The following HAND1 variants were observed in gnomAD, a reference collection of about 807,000 sequenced individuals.
The protein encoded by HAND1 is heart- and neural crest derivatives-expressed protein 1.
Under a neutral mutation model 14.5 loss-of-function variants are expected in HAND1, and 10 were observed. The observed-to-expected ratio is 0.69, with a 90% confidence interval of 0.42 to 1.17. HAND1 has a LOEUF of 1.17. Ranked by LOEUF, HAND1 falls within the 50% of genes most tolerant of loss-of-function variation. The probability of loss-of-function intolerance (pLI) is 0.00; values close to 1 mark genes in which losing one functional copy is unlikely to be tolerated. For missense variants in HAND1, 299 were observed against 298.4 expected (o/e 1.00, Z -0.01); for synonymous variants, 128 against 127.1 (o/e 1.01, Z -0.05).
Position 154,475,534 on chromosome 5 carries a change from A to C in HAND1, c.*272T>G, listed in dbSNP as rs1757526904. On this transcript the variant is annotated 3_prime_UTR_variant, in exon 2 of 2. Transcript: ENST00000231121. ...GGGTTCGACAGTCCCTCCTTCTTGCATGTTGCCGCCAAGGGCCGCCCTCGG... is the reference window on the plus strand; with the variant it reads ...GGGTTCGACAGTCCCTCCTTCTTGCCTGTTGCCGCCAAGGGCCGCCCTCGG... The C allele has an allele frequency of 1.2e-5, 6 of 488,994 alleles. No homozygotes were observed. Among genetic ancestry groups the C allele is most frequent in the Non-Finnish European group, 2.2e-5 (6 of 268,164 alleles). 30.3% of individuals were successfully genotyped at this position (488,994 alleles called of 1,614,324 possible). A position where few individuals can be genotyped will look rare whatever the true frequency, so the allele number is the denominator to read the frequency against.
At chr5:154,477,436 TG>T (rs1757560020) in intron 1 of HAND1, 29 bp downstream of exon 1, 12 of 1,565,132 alleles carry the variant, frequency 7.7e-6, no homozygotes, top group Non-Finnish European at 9.7e-6. Context: ...CCTGCACCCT[TG>T]GCTGGAGCAT....
chr5:154,476,373 G>T (rs1004106132), intron 1 of HAND1, among the ~76,000 whole-genome samples: 3 of 152,168 alleles, frequency 2.0e-5, no homozygotes, highest in African/African-American at 7.2e-5. Context: ...AGATACGGAG[G>T]TAAAAGAGCG....
chr5:154,476,227 T>C (rs910220578), intron 1 of HAND1, among the ~76,000 whole-genome samples: 9 of 152,172 alleles, frequency 5.9e-5, no homozygotes, highest in Non-Finnish European at 2.9e-5. Context: ...CCCAGGATAT[T>C]GGAAGGGAGG....
In HAND1 at chr5:154,477,871, C is replaced by T. The variant is rs1294461632; in HGVS notation, c.138G>A (p.Leu46=). ...HQERPYFQSW[L]LSPADAAPDF... ...CCGGGGCAGCGTCAGCCGGGCTCAG[C>T]AGCCAGCTCTGGAAGTAGGGCCTTT... Residue 46 remains leucine (L), a synonymous_variant, in exon 1 of 2, where the codon CTG becomes CTA. Coordinates refer to ENST00000231121, the MANE Select transcript of HAND1 (RefSeq NM_004821.3). 36 of 1,601,474 alleles carry T rather than the reference C, an allele frequency of 2.2e-5. No individual in the cohort carries two copies. The highest frequency in any genetic ancestry group is 3.1e-5 in the Non-Finnish European group (36 of 1,179,798).
In HAND1 at chr5:154,477,502, C is replaced by A; in HGVS notation, c.507G>T (p.Ala169=). 1 of 1,614,164 alleles carries A rather than the reference C, an allele frequency of 6.2e-7. No homozygotes were observed. The change falls in exon 1 of 2, where the codon GCG becomes GCT. Residue 169 remains alanine (A), a synonymous_variant. Coordinates refer to ENST00000231121, the MANE Select transcript of HAND1 (RefSeq NM_004821.3). Reference sequence around the variant, plus strand: ...TCCGCTTGCTCTCACGGCCGCCATCCGCCTTCTTGAGTTCAGCCTTGAAGG... The same window carrying A: ...TCCGCTTGCTCTCACGGCCGCCATCAGCCTTCTTGAGTTCAGCCTTGAAGG... The part of the protein sequence containing the change: ...PEAFKAELKK[A]DGGRESKRKR...
chr5:154,477,667 G>A lies in HAND1; in HGVS notation c.342C>T (p.Phe114=). 3 of 1,614,228 alleles carry A rather than the reference G, an allele frequency of 1.9e-6. No homozygotes were observed. The highest frequency in any genetic ancestry group is 2.5e-6 in the Non-Finnish European group (3 of 1,180,034). ...RRRTESINSA[F]AELRECIPNV... The stretch of plus-strand genomic sequence containing the variant: ...TGGGGATGCACTCGCGCAACTCCGC[G>A]AATGCGCTGTTAATGCTCTCAGTGC... The change falls in exon 1 of 2, where the codon TTC becomes TTT. Residue 114 remains phenylalanine, a synonymous_variant. Transcript: ENST00000231121.
chr5:154,476,714 C>T (rs1386835991), intron 1 of HAND1, among the ~76,000 whole-genome samples: 1 of 152,198 alleles, frequency 6.6e-6, no homozygotes, highest in Non-Finnish European at 1.5e-5. Flanking sequence ...AACTGATTGG[C>T]CAGCCTGAAA....
intron 1 of HAND1, among the ~76,000 whole-genome samples, chr5:154,476,860 G>A (rs577771765): frequency 1.3e-5 from 2 of 152,204 alleles, no homozygotes; most frequent in South Asian, 4.1e-4. Flanking sequence ...TTATTTACAT[G>A]CAAAGCCACT....
At chr5:154,476,470 G>A (rs1677110954) in intron 1 of HAND1, among the ~76,000 whole-genome samples, 1 of 152,158 alleles carries the variant, frequency 6.6e-6, no homozygotes, top group Admixed American at 6.5e-5. Context: ...GACGCGTGGG[G>A]GCCGGGATCC....
chr5:154,477,447 T>A lies in HAND1; in HGVS notation c.543+19A>T, dbSNP rs1398783316. On this transcript the variant is annotated intron_variant, in intron 1 of 1. Coordinates refer to ENST00000231121, the MANE Select transcript of HAND1 (RefSeq NM_004821.3). ...CGCTCCTGCACCCTTGGCTGGAGCATGCAAGCCCCAGGACTCACCAGCTCC... is the reference window on the plus strand; with the variant it reads ...CGCTCCTGCACCCTTGGCTGGAGCAAGCAAGCCCCAGGACTCACCAGCTCC... 5 of 1,600,712 alleles carry A rather than the reference T, an allele frequency of 3.1e-6. No homozygotes were observed. The highest frequency in any genetic ancestry group is 4.3e-6 in the Non-Finnish European group (5 of 1,168,158).
rs1214248741 is a variant in HAND1 at position 154,475,768 on chromosome 5, G to C, written c.*38C>G. 1 of 1,433,412 alleles carries C rather than the reference G, an allele frequency of 7.0e-7. No homozygotes were observed. Among genetic ancestry groups the C allele is most frequent in the South Asian group, 1.1e-5 (1 of 87,430 alleles). 88.8% of individuals were successfully genotyped at this position (1,433,412 alleles called of 1,614,324 possible). On this transcript the variant is annotated 3_prime_UTR_variant, in exon 2 of 2. Coordinates refer to ENST00000231121, the MANE Select transcript of HAND1 (RefSeq NM_004821.3). ...TTCCTCTCCTCCCGGGGCTTCAGGAGTGGCTGGCCTGGCCAGGTCCTCGGC... is the reference window on the plus strand; with the variant it reads ...TTCCTCTCCTCCCGGGGCTTCAGGACTGGCTGGCCTGGCCAGGTCCTCGGC...
At chr5:154,477,432 C>CT (rs2113302845) in intron 1 of HAND1, 34 bp downstream of exon 1, 1 of 1,549,262 alleles carries the variant, frequency 6.5e-7, no homozygotes, top group East Asian at 2.2e-5. Flanking sequence ...CGCTCCTGCA[C>CT]CCTTGGCTGG....
chr5:154,475,519 G>A lies in HAND1; in HGVS notation c.*287C>T. On this transcript the variant is annotated 3_prime_UTR_variant, in exon 2 of 2. Coordinates refer to ENST00000231121, the MANE Select transcript of HAND1 (RefSeq NM_004821.3). Reference sequence around the variant, plus strand: ...CGTCTTTGAGCCCTTGGGTTCGACAGTCCCTCCTTCTTGCATGTTGCCGCC... The same window carrying A: ...CGTCTTTGAGCCCTTGGGTTCGACAATCCCTCCTTCTTGCATGTTGCCGCC... 2.1e-6 allele frequency: 1 copy of A among 471,360 alleles called. No homozygotes were observed. The highest frequency in any genetic ancestry group is 4.2e-5 in the East Asian group (1 of 23,774). The allele number at this position is 471,360 out of a possible 1,614,324, so 29.2% of individuals were successfully genotyped here.
Position 154,477,492 on chromosome 5 carries a change from G to C in HAND1, c.517C>G (p.Arg173Gly). 6.2e-7 allele frequency: 1 copy of C among 1,614,024 alleles called. No individual in the cohort carries two copies. The highest frequency in any genetic ancestry group is 8.5e-7 in the Non-Finnish European group (1 of 1,179,982). ...KAELKKADGG[R>G]ESKRKRELQQ... ...AGCTCCCTTTTCCGCTTGCTCTCAC[G>C]GCCGCCATCCGCCTTCTTGAGTTCA... The change falls in exon 1 of 2, where the codon CGT (arginine) becomes GGT (glycine). Residue 173 changes from arginine (R) to glycine (G), a missense_variant. Coordinates refer to ENST00000231121, the MANE Select transcript of HAND1 (RefSeq NM_004821.3).
intron 1 of HAND1, among the ~76,000 whole-genome samples, chr5:154,477,050 G>C (rs1170525078): frequency 6.6e-6 from 1 of 152,094 alleles, no homozygotes; most frequent in East Asian, 1.9e-4. Context: ...AGACTAGCCG[G>C]TCCAGCAAAG....
chr5:154,475,756 G>C lies in HAND1; in HGVS notation c.*50C>G, dbSNP rs1757530652. The stretch of plus-strand genomic sequence containing the variant: ...TTCGCCGCTGCCTTCCTCTCCTCCC[G>C]GGGCTTCAGGAGTGGCTGGCCTGGC... On this transcript the variant is annotated 3_prime_UTR_variant, in exon 2 of 2. Coordinates refer to ENST00000231121, the MANE Select transcript of HAND1 (RefSeq NM_004821.3). The C allele has an allele frequency of 1.5e-6, 2 of 1,312,396 alleles. No homozygotes were observed. The highest frequency in any genetic ancestry group is 1.2e-5 in the South Asian group (1 of 84,876). 81.3% of individuals were successfully genotyped at this position (1,312,396 alleles called of 1,614,324 possible).
At position 154,475,603 on chromosome 5, in the gene HAND1, G is replaced by A. The variant is rs2113300534; in HGVS notation, c.*203C>T. The A allele has an allele frequency of 1.7e-6, 1 of 600,116 alleles. No homozygotes were observed. The highest frequency in any genetic ancestry group is 3.0e-6 in the Non-Finnish European group (1 of 335,370). 37.2% of individuals were successfully genotyped at this position (600,116 alleles called of 1,614,324 possible). ...TATATATATTTCTCTTTCTCTTAAT[G>A]TATTAAAAAAAATCAAAGGACATTG... On this transcript the variant is annotated 3_prime_UTR_variant, in exon 2 of 2. Coordinates refer to ENST00000231121, the MANE Select transcript of HAND1 (RefSeq NM_004821.3).
Position 154,475,851 on chromosome 5 carries a change from G to T in HAND1, c.603C>A (p.Arg201=). The change falls in exon 2 of 2, where the codon CGC becomes CGA. Residue 201 remains arginine, a synonymous_variant. Coordinates refer to ENST00000231121, the MANE Select transcript of HAND1 (RefSeq NM_004821.3). ...LGPVEKRIKG[R]TGWPQQVWAL... is the part of the protein sequence containing the mutation. ...CCCAGACTTGCTGCGGCCAGCCGGT[G>T]CGTCCTTTAATCCTCTTCTCGACTG... The T allele has an allele frequency of 6.2e-7, 1 of 1,614,066 alleles. No individual in the cohort carries two copies. Among genetic ancestry groups the T allele is most frequent in the East Asian group, 2.2e-5 (1 of 44,872 alleles).
Position 154,475,621 on chromosome 5 carries a change from G to A in HAND1, c.*185C>T. 1 of 617,686 alleles carries A rather than the reference G, an allele frequency of 1.6e-6. No individual in the cohort carries two copies. The highest frequency in any genetic ancestry group is 2.9e-6 in the Non-Finnish European group (1 of 343,952). The allele number at this position is 617,686 out of a possible 1,614,324, so 38.3% of individuals were successfully genotyped here. On this transcript the variant is annotated 3_prime_UTR_variant, in exon 2 of 2. Coordinates refer to ENST00000231121, the MANE Select transcript of HAND1 (RefSeq NM_004821.3). ...TCTTAATGTATTAAAAAAAATCAAAGGACATTGCACGTGCGATCCAAGTGT... is the reference window on the plus strand; with the variant it reads ...TCTTAATGTATTAAAAAAAATCAAAAGACATTGCACGTGCGATCCAAGTGT...
Sources: gnomAD v4.1 joint callset for allele counts (sites outside exome capture counted in the v4.1 genomes callset) on GRCh38, gnomAD v4.1.1 for gene constraint, MANE v1.5 for transcripts, NCBI Gene and HGNC (gene_info 2026-07-23, HGNC 2026-07-21) for gene names.